The following YJU2B variants were observed in gnomAD, a reference collection of about 807,000 sequenced individuals.
YJU2B encodes the protein probable splicing factor YJU2B.
YJU2B carries 18 observed loss-of-function variants against 38.0 expected under a neutral mutation model. The observed-to-expected ratio is 0.47, with a 90% CI of 0.33 to 0.70. YJU2B has a LOEUF of 0.70. Ranked by LOEUF, YJU2B falls within the 30% of genes least tolerant of loss-of-function variation. YJU2B has a pLI of 0.02. For synonymous variants in YJU2B, 246 were observed against 225.4 expected (o/e 1.09, Z -0.82); for missense variants, 538 against 556.3 (o/e 0.97, Z 0.33).
chr19:13,756,217 C>G lies in YJU2B; in HGVS notation c.78C>G (p.Tyr26Ter), dbSNP rs1973662199. 2.5e-6 allele frequency: 4 copies of G among 1,613,938 alleles called. No individual in the cohort carries two copies. Among genetic ancestry groups the G allele is most frequent in the Non-Finnish European group, 2.5e-6 (3 of 1,179,994 alleles). The change falls in exon 4 of 10, where the codon TAC becomes TAG. Residue 26 changes from tyrosine (Y) to a stop codon, truncating the protein, a stop_gained. Transcript: ENST00000221554. LOFTEE classifies it high-confidence loss of function. Reference protein sequence around the residue: ...NPEKHGSLNRYHNSHPLRERA... With the variant: ...NPEKHGSLNR ...CACAGCATGGCTCTCTCAACCGATA[C>G]CACAACAGCCACCCGCTTCGGGAGC...
chr19:13,746,906 CAA>C (rs961303804), upstream of YJU2B, among the ~76,000 whole-genome samples: 2 of 142,300 alleles, frequency 1.4e-5, no homozygotes, highest in Admixed American at 7.0e-5. Flanking sequence ...GACTCCCTCT[CAA>C]AAAAAAAAAA....
In YJU2B at chr19:13,757,307, C is replaced by T. The variant is rs1280980567; in HGVS notation, c.141-111C>T. 5.4e-6 allele frequency: 4 copies of T among 746,306 alleles called. No homozygotes were observed. In the Admixed American group the frequency reaches 6.3e-5, roughly 12 times the overall value. The allele number at this position is 746,306 out of a possible 1,614,324, so 46.2% of individuals were successfully genotyped here. A position where few individuals can be genotyped will look rare whatever the true frequency, so the allele number is the denominator to read the frequency against. ...AGTGCAGCAACTCCCGTTAACAGGG[C>T]AGTCTAATACCCCACCCCTCAAATC... On this transcript the variant is annotated intron_variant, in intron 4 of 9. Transcript: ENST00000221554.
At chr19:13,752,226 C>G (rs1181573978) in intron 2 of YJU2B, among the ~76,000 whole-genome samples, 4 of 151,838 alleles carry the variant, frequency 2.6e-5, no homozygotes, top group Non-Finnish European at 2.9e-5. Flanking sequence ...TTCCCCTTCC[C>G]CCTTTCCCCT....
intron 2 of YJU2B, among the ~76,000 whole-genome samples, chr19:13,742,593 T>C (rs990421523): frequency 5.9e-5 from 9 of 152,330 alleles, no homozygotes; most frequent in Admixed American, 5.2e-4. Context: ...TTTCCCTGTA[T>C]CAATTCCTTT....
intron 1 of YJU2B, among the ~76,000 whole-genome samples, 170 bp downstream of exon 1, chr19:13,748,124 G>A (rs373259503): frequency 5.9e-5 from 9 of 152,276 alleles, no homozygotes; most frequent in African/African-American, 2.2e-4. Context: ...AGTCCCTGAG[G>A]CCCCAGCTGA....
Position 13,740,620 on chromosome 19 carries a change from C to T in YJU2B, c.-202+8335C>T, listed in dbSNP as rs138507120. Among the ~76,000 whole-genome samples the T allele has an allele frequency of 5.2e-3, 796 of 152,268 alleles. 20 individuals are homozygous for T. The highest frequency in any genetic ancestry group is 0.042 in the Admixed American group (637 of 15,268). ...TGGCGCAATCTTGGCTCACTGCAAC[C>T]TCTGCCTCCGAGTTCAAGCAATTCT... On this transcript the variant is annotated intron_variant, in intron 2 of 10. Coordinates refer to the YJU2B transcript ENST00000586600.
chr19:13,740,223 T>C (rs1310166892), intron 2 of YJU2B, among the ~76,000 whole-genome samples: 1 of 152,170 alleles, frequency 6.6e-6, no homozygotes, highest in Non-Finnish European at 1.5e-5. Flanking sequence ...TTTAATTTAT[T>C]TTTGTTTGAG....
Position 13,739,643 on chromosome 19 carries a change from CCTT to C in YJU2B, c.-202+7361_-202+7363del, listed in dbSNP as rs372670279. On this transcript the variant is annotated intron_variant, in intron 2 of 10. Coordinates refer to the YJU2B transcript ENST00000586600. ...CTTCCCACATACCAGGCCTCCAGCT[CCTT>C]CTCCTCTCTAGGAACCCAAAGTTTG... Among the ~76,000 whole-genome samples, 34 of 152,302 alleles carry C rather than the reference CCTT, an allele frequency of 2.2e-4. No individual in the cohort carries two copies. The East Asian group carries it at 6.4e-3, about 28-fold the overall frequency.
Position 13,731,792 on chromosome 19 carries a change from G to A in YJU2B, c.-471G>A, listed in dbSNP as rs1478410032. On this transcript the variant is annotated 5_prime_UTR_variant, in exon 1 of 11. Transcript: ENST00000586600. Reference sequence around the variant, plus strand: ...TCGGAGCTGGCTTCAACCAGCGAAGGCTGAACCCGCTTCCAGGGTCCTCGC... The same window carrying A: ...TCGGAGCTGGCTTCAACCAGCGAAGACTGAACCCGCTTCCAGGGTCCTCGC... The A allele has an allele frequency of 2.0e-5, 3 of 152,376 alleles. No homozygotes were observed. In the East Asian group the frequency reaches 5.8e-4, roughly 29 times the overall value. The allele number at this position is 152,376 out of a possible 1,614,324, so 9.4% of individuals were successfully genotyped here. A position where few individuals can be genotyped will look rare whatever the true frequency, so the allele number is the denominator to read the frequency against.
Position 13,762,208 on chromosome 19 carries a change from G to A in YJU2B, c.574-91G>A, listed in dbSNP as rs1973914321. On this transcript the variant is annotated intron_variant, in intron 8 of 9. Transcript: ENST00000221554. ...AAACTGTCTCAAAAAGAGTAAATGA[G>A]ACCCCGAGAGTTGGAGCAGTGCCCC... 36 of 1,433,668 alleles carry A rather than the reference G, an allele frequency of 2.5e-5. No individual in the cohort carries two copies. In the South Asian group the frequency reaches 4.3e-4, roughly 17 times the overall value. The allele number at this position is 1,433,668 out of a possible 1,614,324, so 88.8% of individuals were successfully genotyped here. A position where few individuals can be genotyped will look rare whatever the true frequency, so the allele number is the denominator to read the frequency against.
chr19:13,750,635 G>A (rs1301149718), intron 1 of YJU2B, among the ~76,000 whole-genome samples: 1 of 151,738 alleles, frequency 6.6e-6, no homozygotes, highest in Non-Finnish European at 1.5e-5. Flanking sequence ...CTAGGTGTGT[G>A]GATCACCTCA....
intron 2 of YJU2B, among the ~76,000 whole-genome samples, chr19:13,753,947 C>A (rs552879466): frequency 1.6e-4 from 25 of 152,044 alleles, no homozygotes; most frequent in African/African-American, 5.3e-4. Flanking sequence ...GAGGTGGGTG[C>A]ATCACTTGAT....
At chr19:13,740,663 A>C (rs775397749) in intron 2 of YJU2B, among the ~76,000 whole-genome samples, 31 of 151,976 alleles carry the variant, frequency 2.0e-4, no homozygotes, top group Non-Finnish European at 3.7e-4. Flanking sequence ...CAGCCTCCCG[A>C]ATAGCTGGGA....
chr19:13,755,498 T>A (rs573920416), intron 3 of YJU2B, among the ~76,000 whole-genome samples: 3 of 150,664 alleles, frequency 2.0e-5, no homozygotes, highest in African/African-American at 7.3e-5. Flanking sequence ...GCACATGAAG[T>A]CCCCAGCGAA....
intron 2 of YJU2B, among the ~76,000 whole-genome samples, chr19:13,734,061 G>A (rs570441321): frequency 6.6e-6 from 1 of 152,130 alleles, no homozygotes; most frequent in South Asian, 2.1e-4. Context: ...CCTAGTAGCT[G>A]GGACTATAGG....
chr19:13,755,476 A>T (rs1485571586), intron 3 of YJU2B, among the ~76,000 whole-genome samples: 2 of 151,662 alleles, frequency 1.3e-5, no homozygotes, highest in African/African-American at 4.9e-5. Flanking sequence ...AAAAAAAAAA[A>T]AATAAGGTGA....
chr19:13,758,967 G>C lies in YJU2B; in HGVS notation c.357G>C (p.Glu119Asp). The C allele has an allele frequency of 6.2e-7, 1 of 1,613,862 alleles. No individual in the cohort carries two copies. Among genetic ancestry groups the C allele is most frequent in the Non-Finnish European group, 8.5e-7 (1 of 1,179,944 alleles). ...TCGTGAGTGGCGCCCAGCGCAAGGA[G>C]GAGCGCTGGGACATGGCGGACAATG... is the stretch of plus-strand genomic sequence containing the variant. ...YVIVSGAQRK[E>D]ERWDMADNEQ... The change falls in exon 7 of 10, where the codon GAG (glutamate) becomes GAC (aspartate). Residue 119 changes from glutamate (E) to aspartate (D), a missense_variant. Glu to Asp is a conservative substitution (Grantham distance 45). This residue lies in a region of YJU2B where 488 missense variants were observed against 469.5 expected (regional missense o/e 1.04). Coordinates refer to ENST00000221554, the MANE Select transcript of YJU2B (RefSeq NM_030818.4).
chr19:13,745,700 T>TAGATAG (rs879294355), upstream of YJU2B, among the ~76,000 whole-genome samples: 5 of 104,344 alleles, frequency 4.8e-5, no homozygotes, highest in East Asian at 5.6e-4. Flanking sequence ...GATATAGATA[T>TAGATAG]ATAGATATCT....
Position 13,762,328 on chromosome 19 carries a change from GGAGA to G in YJU2B, c.608_611del (p.Arg203ThrfsTer10), listed in dbSNP as rs751064828. On this transcript the variant is annotated frameshift_variant, in exon 9 of 10. Coordinates refer to ENST00000221554, the MANE Select transcript of YJU2B (RefSeq NM_030818.4). LOFTEE classifies it high-confidence loss of function. The stretch of plus-strand genomic sequence containing the variant: ...AGAAAAAAGCCATCCAGGAGGAGGA[GGAGA>G]GAGACCAGGCCTTGCAGGCCAAGGC... 1 of 1,613,950 alleles carries G rather than the reference GGAGA, an allele frequency of 6.2e-7. No homozygotes were observed.
Sources: allele counts gnomAD v4.1 joint callset (sites outside exome capture counted in the v4.1 genomes callset), GRCh38; gene constraint gnomAD v4.1.1; regional missense constraint gnomAD v4.1.1; transcripts MANE v1.5; gene names NCBI Gene and HGNC (gene_info 2026-07-23, HGNC 2026-07-21).